Variants in NRXN3 observed in about 807,000 individuals in gnomAD.
NRXN3 encodes the protein neurexin III.
Under a neutral mutation model 137.6 loss-of-function variants are expected in NRXN3, and 32 were observed. The ratio of observed to expected loss-of-function variants is 0.23; its 90% CI spans 0.18 to 0.31. NRXN3 has a LOEUF of 0.31. Ranked by LOEUF, NRXN3 falls within the 10% of genes least tolerant of loss-of-function variation. NRXN3 has a pLI of 1.00. For synonymous variants in NRXN3, 798 were observed against 784.5 expected (o/e 1.02, Z -0.29); for missense variants, 1,574 against 2,062.5 (o/e 0.76, Z 4.59).
At chr14:79,705,285 A>C (rs958130738) in intron 19 of NRXN3, among the ~76,000 whole-genome samples, 2 of 152,068 alleles carry the variant, frequency 1.3e-5, no homozygotes, top group African/African-American at 4.8e-5. Flanking sequence ...CCGAATCTAA[A>C]GCCAAAATCC....
At chr14:79,561,403 A>C (rs2097495376) in intron 16 of NRXN3, among the ~76,000 whole-genome samples, 2 of 152,178 alleles carry the variant, frequency 1.3e-5, no homozygotes, top group South Asian at 4.1e-4. Flanking sequence ...GAAGTAAAAG[A>C]CAGAGCTATT....
chr14:78,494,901 C>A (rs1197775807), intron 4 of NRXN3, among the ~76,000 whole-genome samples: 7 of 151,958 alleles, frequency 4.6e-5, no homozygotes, highest in East Asian at 1.9e-4. Context: ...TTTACCAATT[C>A]TTTAACTTAA....
At chr14:78,817,769 C>A (rs773069230) in intron 10 of NRXN3, among the ~76,000 whole-genome samples, 2 of 152,076 alleles carry the variant, frequency 1.3e-5, no homozygotes, top group Non-Finnish European at 2.9e-5. Flanking sequence ...AAGTCACTAA[C>A]CCCTGCCTGA....
chr14:79,670,600 C>T (rs1196692919), intron 17 of NRXN3, among the ~76,000 whole-genome samples: 1 of 152,084 alleles, frequency 6.6e-6, no homozygotes, highest in Non-Finnish European at 1.5e-5. Flanking sequence ...ACACACATGG[C>T]AAACTACCCT....
intron 4 of NRXN3, among the ~76,000 whole-genome samples, chr14:78,456,622 G>A (rs572092355): frequency 5.3e-5 from 8 of 151,580 alleles, no homozygotes; most frequent in African/African-American, 1.9e-4. Context: ...ATCTGTCATT[G>A]CATTCATTTA....
At chr14:78,718,330 G>C (rs2098443810) in intron 8 of NRXN3, among the ~76,000 whole-genome samples, 1 of 152,144 alleles carries the variant, frequency 6.6e-6, no homozygotes, top group Non-Finnish European at 1.5e-5. Context: ...GAATGGGAGT[G>C]TTAGAAAGAA....
Position 78,968,232 on chromosome 14 carries a change from G to A in NRXN3, c.3028G>A (p.Ala1010Thr). 1 of 1,614,006 alleles carries A rather than the reference G, an allele frequency of 6.2e-7. No homozygotes were observed. The highest frequency in any genetic ancestry group is 8.5e-7 in the Non-Finnish European group (1 of 1,179,958). ...GMYSNLPKLV[A>T]SRDGFQGCLA... is the part of the protein sequence containing the mutation. ...GTACAGCAACCTCCCAAAGCTCGTG[G>A]CCTCTCGAGATGGCTTTCAGGGCTG... The change falls in exon 14 of 21, where the codon GCC (alanine) becomes ACC (threonine). Residue 1010 changes from alanine to threonine, a missense_variant. Transcript: ENST00000335750.
At chr14:79,703,346 A>ACTT (rs1456694594) in intron 19 of NRXN3, among the ~76,000 whole-genome samples, 2 of 152,260 alleles carry the variant, frequency 1.3e-5, no homozygotes, top group East Asian at 1.9e-4. Flanking sequence ...CAAAGAAAAA[A>ACTT]CTTTGGATTA....
chr14:78,665,398 C>T (rs1178574322), intron 6 of NRXN3, among the ~76,000 whole-genome samples: 1 of 152,066 alleles, frequency 6.6e-6, no homozygotes, highest in East Asian at 1.9e-4. Flanking sequence ...GGAAAAAGCC[C>T]CTTATAAAAC....
intron 17 of NRXN3, among the ~76,000 whole-genome samples, chr14:79,684,575 A>G (rs1192187714): frequency 6.6e-6 from 1 of 152,176 alleles, no homozygotes; most frequent in Non-Finnish European, 1.5e-5. Context: ...AGCATCGGAG[A>G]TATTAATAAT....
intron 10 of NRXN3, among the ~76,000 whole-genome samples, chr14:78,923,891 G>A (rs758212850): frequency 3.9e-5 from 6 of 152,278 alleles, no homozygotes; most frequent in Non-Finnish European, 8.8e-5. Flanking sequence ...TCAACCCATT[G>A]ATAATCTAAT....
chr14:79,140,450 A>G (rs1251842275), intron 15 of NRXN3, among the ~76,000 whole-genome samples: 1 of 152,138 alleles, frequency 6.6e-6, no homozygotes, highest in Non-Finnish European at 1.5e-5. Context: ...CAATGAGGTT[A>G]GAATCACTAG....
At chr14:79,567,199 A>G (rs1299997588) in intron 16 of NRXN3, among the ~76,000 whole-genome samples, 1 of 152,048 alleles carries the variant, frequency 6.6e-6, no homozygotes, top group African/African-American at 2.4e-5. Context: ...CTTGAATGAC[A>G]TAATTATGTT....
At chr14:79,144,888 C>CT (rs940556182) in intron 15 of NRXN3, among the ~76,000 whole-genome samples, 39 of 151,462 alleles carry the variant, frequency 2.6e-4, no homozygotes, top group Non-Finnish European at 5.2e-4. Context: ...GTTTCTTCCT[C>CT]TTTTTTTTGA....
At chr14:79,427,689 G>A (rs1427348909) in intron 15 of NRXN3, among the ~76,000 whole-genome samples, 6 of 151,944 alleles carry the variant, frequency 3.9e-5, no homozygotes, top group Non-Finnish European at 5.9e-5. Flanking sequence ...AAAATTGGTC[G>A]GGAGTGGTGG....
intron 10 of NRXN3, among the ~76,000 whole-genome samples, chr14:78,817,845 CA>C (rs2153115930): frequency 7.1e-6 from 1 of 140,604 alleles, no homozygotes; most frequent in African/African-American, 3.1e-5. Context: ...GCACTGCCAC[CA>C]CAAAAAAAAA....
chr14:79,328,896 C>T (rs956963346), intron 15 of NRXN3, among the ~76,000 whole-genome samples: 6 of 152,180 alleles, frequency 3.9e-5, no homozygotes, highest in African/African-American at 1.4e-4. Context: ...CTTTGGCTTC[C>T]TAATGAGTAA....
rs1408560195 is a variant in NRXN3, at chr14:78,926,988, A to G, written c.2276-30254A>G. On this transcript the variant is annotated intron_variant, in intron 10 of 20. Transcript: ENST00000335750. ...TATATAATATATAATATATTTTTAT[A>G]TATATATATAATATATATATGCCAA... Among the ~76,000 whole-genome samples, 13 of 82,642 alleles carry G rather than the reference A, an allele frequency of 1.6e-4. 1 individual carries two copies. The highest frequency in any genetic ancestry group is 2.1e-5 in the Non-Finnish European group (1 of 47,166). 54.2% of individuals were successfully genotyped at this position (82,642 alleles called of 152,430 possible).
At chr14:78,247,341 G>T (rs745901912) in intron 2 of NRXN3, among the ~76,000 whole-genome samples, 1 of 152,152 alleles carries the variant, frequency 6.6e-6, no homozygotes, top group Non-Finnish European at 1.5e-5. Context: ...TGGACCTATG[G>T]GTATGAGGTA....
Sources: allele counts gnomAD v4.1 joint callset (sites outside exome capture counted in the v4.1 genomes callset), GRCh38; gene constraint gnomAD v4.1.1; transcripts MANE v1.5; gene names NCBI Gene and HGNC (gene_info 2026-07-23, HGNC 2026-07-21).